SMURF1: variants seen among roughly 807,000 people sequenced by gnomAD.
The protein encoded by SMURF1 is E3 ubiquitin-protein ligase SMURF1.
In SMURF1, 44 loss-of-function variants were observed where a neutral mutation model predicts 98.0. The ratio of observed to expected loss-of-function variants is 0.45; its 90% CI spans 0.35 to 0.58. The LOEUF is 0.58. Among genes scored for constraint, SMURF1 ranks in the 20% least tolerant of loss-of-function variants. The pLI is 0.00. For missense variants in SMURF1, 687 were observed against 938.4 expected, an observed-to-expected ratio of 0.73 and a Z score of 3.50; for synonymous variants, 396 against 374.9, an observed-to-expected ratio of 1.06 and a Z score of -0.65.
intron 1 of SMURF1, among the ~76,000 whole-genome samples, chr7:99,094,303 T>G (rs1463111489): frequency 6.6e-6 from 1 of 152,202 alleles, no homozygotes; most frequent in East Asian, 1.9e-4. Flanking sequence ...TTAATTCAAA[T>G]TTTGAACAAG....
chr7:99,034,539 T>C (rs986735966), intron 16 of SMURF1, among the ~76,000 whole-genome samples: 4 of 151,984 alleles, frequency 2.6e-5, no homozygotes, highest in Admixed American at 2.0e-4. Context: ...ATGACCTCAG[T>C]GAGTCTCGGC....
intron 1 of SMURF1, among the ~76,000 whole-genome samples, chr7:99,142,716 G>C (rs1798157449): frequency 7.1e-6 from 1 of 140,828 alleles, no homozygotes; most frequent in Non-Finnish European, 1.5e-5. Context: ...AAGCAAGGGG[G>C]CAAGTGGAAG....
intron 1 of SMURF1, among the ~76,000 whole-genome samples, chr7:99,065,124 G>A (rs1221862878): frequency 1.3e-5 from 2 of 150,876 alleles, no homozygotes; most frequent in African/African-American, 4.9e-5. Flanking sequence ...TTGAGACAGA[G>A]TCTCTGTCGC....
At chr7:99,057,611 T>A (rs558086297) in intron 3 of SMURF1, 60 bp from the exon 4 acceptor site, 1 of 1,468,222 alleles carries the variant, frequency 6.8e-7, no homozygotes, top group African/African-American at 1.4e-5. Flanking sequence ...TTTTGTTTTT[T>A]TTTTTTTTTG....
intron 6 of SMURF1, among the ~76,000 whole-genome samples, chr7:99,053,699 G>A (rs1280146811): frequency 1.3e-5 from 2 of 152,168 alleles, no homozygotes; most frequent in East Asian, 1.9e-4. Context: ...CTGGTTCCCT[G>A]TATTTCCAAG....
At position 99,040,386 on chromosome 7, in the gene SMURF1, C is replaced by G. The variant is rs762137261; in HGVS notation, c.1542G>C (p.Val514=). 9.1e-6 allele frequency: 14 copies of G among 1,532,036 alleles called. No homozygotes were observed. Among genetic ancestry groups the G allele is most frequent in the Non-Finnish European group, 1.1e-5 (13 of 1,139,302 alleles). 94.9% of individuals were successfully genotyped at this position (1,532,036 alleles called of 1,614,324 possible). A position where few individuals can be genotyped will look rare whatever the true frequency, so the allele number is the denominator to read the frequency against. Residue 514 remains valine (V), a synonymous_variant, in exon 13 of 18, where the codon GTG becomes GTC. Coordinates refer to ENST00000361368, the MANE Select transcript of SMURF1 (RefSeq NM_181349.3). ...SVDPELHKSL[V]WILENDITPV... ...CGTCAGTCAATACTTACAGGATCCA[C>G]ACCAAGCTCTTATGCAGCTCTGGGT...
At chr7:99,034,212 C>T (rs1270121285) in intron 16 of SMURF1, among the ~76,000 whole-genome samples, 1 of 152,228 alleles carries the variant, frequency 6.6e-6, no homozygotes, top group Non-Finnish European at 1.5e-5. Flanking sequence ...GGGCCCTGGC[C>T]ACTCTGCCCG....
chr7:99,059,222 A>T (rs1481030202), intron 3 of SMURF1, among the ~76,000 whole-genome samples: 1 of 150,150 alleles, frequency 6.7e-6, no homozygotes. Context: ...AAACGGTGAA[A>T]CCCCGTCTCT....
chr7:99,030,522 C>T lies in SMURF1; in HGVS notation c.*62G>A. ...CTCTGCCAGCTTTGCAGGAGGTGCA[C>T]AGAAGCTGGATGCTTTTGGTCTGGT... On this transcript the variant is annotated 3_prime_UTR_variant, in exon 18 of 18. Coordinates refer to ENST00000361368, the MANE Select transcript of SMURF1 (RefSeq NM_181349.3). 1 of 1,397,652 alleles carries T rather than the reference C, an allele frequency of 7.2e-7. No homozygotes were observed. The highest frequency in any genetic ancestry group is 1.0e-6 in the Non-Finnish European group (1 of 986,772). The allele number at this position is 1,397,652 out of a possible 1,614,324, so 86.6% of individuals were successfully genotyped here. A position where few individuals can be genotyped will look rare whatever the true frequency, so the allele number is the denominator to read the frequency against.
In SMURF1 at chr7:99,120,479, T is replaced by C. The variant is rs373749681; in HGVS notation, c.55+23247A>G. ...GAGTCGTGATTGTTTTCCACTTCCA[T>C]CAGATTACCACCAAATCCTCTCTCC... On this transcript the variant is annotated intron_variant, in intron 1 of 17. Transcript: ENST00000361368. Among the ~76,000 whole-genome samples the C allele has an allele frequency of 4.0e-5, 6 of 151,044 alleles. No individual in the cohort carries two copies. The East Asian group carries it at 1.2e-3, about 30-fold the overall frequency.
At chr7:99,081,662 T>C (rs1796579674) in intron 1 of SMURF1, among the ~76,000 whole-genome samples, 1 of 151,914 alleles carries the variant, frequency 6.6e-6, no homozygotes, top group African/African-American at 2.4e-5. Flanking sequence ...CTTCTGTTTT[T>C]GTTCTTTTTG....
intron 1 of SMURF1, among the ~76,000 whole-genome samples, chr7:99,095,765 G>A (rs563086835): frequency 2.0e-5 from 3 of 152,272 alleles, no homozygotes; most frequent in African/African-American, 7.2e-5. Flanking sequence ...GATGAGAATT[G>A]CGCACTTAGC....
chr7:99,128,742 G>A (rs866672542), intron 1 of SMURF1, among the ~76,000 whole-genome samples: 3 of 152,144 alleles, frequency 2.0e-5, no homozygotes, highest in African/African-American at 4.8e-5. Context: ...CCAATAGTTC[G>A]TGCTACTCTA....
rs775260140 is a variant in SMURF1 at position 99,030,534 on chromosome 7, G to A, written c.*50C>T. 3 of 1,488,210 alleles carry A rather than the reference G, an allele frequency of 2.0e-6. No homozygotes were observed. Among genetic ancestry groups the A allele is most frequent in the South Asian group, 2.3e-5 (2 of 88,054 alleles). 92.2% of individuals were successfully genotyped at this position (1,488,210 alleles called of 1,614,324 possible). A position where few individuals can be genotyped will look rare whatever the true frequency, so the allele number is the denominator to read the frequency against. On this transcript the variant is annotated 3_prime_UTR_variant, in exon 18 of 18. Coordinates refer to ENST00000361368, the MANE Select transcript of SMURF1 (RefSeq NM_181349.3). ...TGCAGGAGGTGCACAGAAGCTGGAT[G>A]CTTTTGGTCTGGTGGCCATGAGCTA...
intron 1 of SMURF1, among the ~76,000 whole-genome samples, chr7:99,086,508 T>C (rs1183753607): frequency 3.3e-5 from 5 of 152,108 alleles, no homozygotes. Context: ...TTGGCAGTTG[T>C]TCAAAATGTT....
intron 3 of SMURF1, among the ~76,000 whole-genome samples, chr7:99,060,176 A>G (rs533608839): frequency 6.6e-6 from 1 of 151,688 alleles, no homozygotes; most frequent in African/African-American, 2.4e-5. Flanking sequence ...TCAGGAGTTC[A>G]AGACCAGCCT....
At chr7:99,038,918 G>A (rs1215382977) in intron 13 of SMURF1, among the ~76,000 whole-genome samples, 2 of 152,102 alleles carry the variant, frequency 1.3e-5, no homozygotes, top group East Asian at 1.9e-4. Context: ...GCCTGGCCAG[G>A]TACAGCGGCT....
At chr7:99,116,165 G>A (rs571638715) in intron 1 of SMURF1, among the ~76,000 whole-genome samples, 28 of 152,214 alleles carry the variant, frequency 1.8e-4, no homozygotes, top group African/African-American at 4.3e-4. Flanking sequence ...CATGTTAATC[G>A]AATAAAGGGG....
At chr7:99,125,238 C>G (rs1490784065) in intron 1 of SMURF1, among the ~76,000 whole-genome samples, 1 of 152,070 alleles carries the variant, frequency 6.6e-6, no homozygotes, top group Non-Finnish European at 1.5e-5. Flanking sequence ...ACCACCATGC[C>G]TGGCTAATTT....
Sources: gnomAD v4.1 joint callset for allele counts (sites outside exome capture counted in the v4.1 genomes callset) on GRCh38, gnomAD v4.1.1 for gene constraint, MANE v1.5 for transcripts, NCBI Gene and HGNC (gene_info 2026-07-23, HGNC 2026-07-21) for gene names.